LRRTM4: variants seen among roughly 807,000 people sequenced by gnomAD.
LRRTM4 encodes leucine rich repeat transmembrane neuronal 4.
Under a neutral mutation model 47.6 loss-of-function variants are expected in LRRTM4, and 25 were observed. That is an observed-to-expected ratio of 0.53 (90% CI 0.38 to 0.73). LRRTM4 has a LOEUF of 0.73. LRRTM4 is among the 30% of genes least tolerant of loss of function. LRRTM4 has a pLI of 0.00. For missense variants in LRRTM4, 638 were observed against 713.4 expected, an observed-to-expected ratio of 0.89 and a Z score of 1.20; for synonymous variants, 311 against 269.5, an observed-to-expected ratio of 1.15 and a Z score of -1.51.
intron 3 of LRRTM4, among the ~76,000 whole-genome samples, chr2:76,840,044 C>CAGG: frequency 6.6e-6 from 1 of 152,058 alleles, no homozygotes; most frequent in South Asian, 2.1e-4. Context: ...CTGTTCTACT[C>CAGG]CAAGAAAAGC....
At chr2:77,347,178 C>T (rs935887054) in intron 3 of LRRTM4, among the ~76,000 whole-genome samples, 2 of 152,164 alleles carry the variant, frequency 1.3e-5, no homozygotes, top group Non-Finnish European at 2.9e-5. Context: ...AACCTTAAAG[C>T]GATAGTTTTG....
chr2:76,970,415 G>T (rs889438166), intron 3 of LRRTM4, among the ~76,000 whole-genome samples: 1 of 151,758 alleles, frequency 6.6e-6, no homozygotes, highest in East Asian at 2.0e-4. Flanking sequence ...ACCTCCTTTT[G>T]GTTTCTTTCC....
intron 3 of LRRTM4, among the ~76,000 whole-genome samples, chr2:77,367,643 C>T (rs560368587): frequency 1.3e-5 from 2 of 151,718 alleles, no homozygotes; most frequent in Admixed American, 1.3e-4. Context: ...ATTTCTGTTT[C>T]CAGGTATCTA....
chr2:77,474,291 T>A (rs1677297726), intron 3 of LRRTM4, among the ~76,000 whole-genome samples: 1 of 152,036 alleles, frequency 6.6e-6, no homozygotes, highest in African/African-American at 2.4e-5. Context: ...AGACATTCAG[T>A]AGATTTTGAG....
At chr2:77,307,143 G>T (rs865932479) in intron 3 of LRRTM4, among the ~76,000 whole-genome samples, 2 of 151,476 alleles carry the variant, frequency 1.3e-5, no homozygotes, top group African/African-American at 2.4e-5. Flanking sequence ...CTCGTGATCC[G>T]CCCGCCTCGG....
chr2:76,760,477 G>C (rs1673212880), intron 3 of LRRTM4, among the ~76,000 whole-genome samples: 1 of 152,158 alleles, frequency 6.6e-6, no homozygotes, highest in Non-Finnish European at 1.5e-5. Context: ...TGCTTATGAA[G>C]TCAGCAAGAG....
At chr2:77,515,725 T>C (rs1679181628) in intron 3 of LRRTM4, among the ~76,000 whole-genome samples, 1 of 151,902 alleles carries the variant, frequency 6.6e-6, no homozygotes, top group Non-Finnish European at 1.5e-5. Flanking sequence ...ACTTATACTA[T>C]TCCAAAAACA....
At chr2:77,174,125 A>G (rs992964349) in intron 3 of LRRTM4, among the ~76,000 whole-genome samples, 7 of 151,790 alleles carry the variant, frequency 4.6e-5, no homozygotes, top group African/African-American at 1.7e-4. Context: ...CTGCCCACCA[A>G]ATGCACCTCC....
At chr2:77,225,955 AT>A (rs1297047357) in intron 3 of LRRTM4, among the ~76,000 whole-genome samples, 1 of 151,944 alleles carries the variant, frequency 6.6e-6, no homozygotes. Flanking sequence ...TTGATAAGTA[AT>A]TTATTCTTAC....
chr2:76,839,738 T>C lies in LRRTM4; in HGVS notation c.1552-90822A>G, dbSNP rs936023474. ...ATAATAAATAGATTTCCTTATCAAA[T>C]AATAGTTTGTTTATGATTCTAATAC... On this transcript the variant is annotated intron_variant, in intron 3 of 3. Transcript: ENST00000409884. 8.5e-5 allele frequency among the ~76,000 whole-genome samples: 13 copies of C among 152,104 alleles called. No individual in the cohort carries two copies. The South Asian group carries it at 2.1e-3, about 24-fold the overall frequency.
intron 3 of LRRTM4, among the ~76,000 whole-genome samples, chr2:76,859,163 C>T (rs1288775601): frequency 3.3e-5 from 5 of 152,120 alleles, no homozygotes; most frequent in Admixed American, 3.3e-4. Context: ...TGAAAAGTAT[C>T]ATATTTAACT....
intron 3 of LRRTM4, among the ~76,000 whole-genome samples, chr2:76,772,525 T>C (rs574900892): frequency 6.6e-6 from 1 of 152,332 alleles, no homozygotes; most frequent in South Asian, 2.1e-4. Context: ...CATAACCTAG[T>C]TGTAAAACTG....
rs1220590349 is a variant in LRRTM4, at chr2:77,477,919, GAA to G, written c.1551+40397_1551+40398del. On this transcript the variant is annotated intron_variant, in intron 3 of 3. Coordinates refer to ENST00000409884, the MANE Select transcript of LRRTM4 (RefSeq NM_001134745.3). ...AAAGAAAGAAAAAGAAAGAAAGAAAGAAAGAAAGAAAGAAAGAAAGAAAGAAA... is the reference window on the plus strand; with the variant it reads ...AAAGAAAGAAAAAGAAAGAAAGAAAGAGAAAGAAAGAAAGAAAGAAAGAAA... Among the ~76,000 whole-genome samples the G allele has an allele frequency of 3.3e-3, 233 of 70,608 alleles. 1 individual carries two copies. The highest frequency in any genetic ancestry group is 5.5e-3 in the Non-Finnish European group (171 of 30,900). The allele number at this position is 70,608 out of a possible 152,430, so 46.3% of individuals were successfully genotyped here. A position where few individuals can be genotyped will look rare whatever the true frequency, so the allele number is the denominator to read the frequency against.
At chr2:77,134,190 A>G (rs899059154) in intron 3 of LRRTM4, among the ~76,000 whole-genome samples, 1 of 152,144 alleles carries the variant, frequency 6.6e-6, no homozygotes, top group African/African-American at 2.4e-5. Context: ...AAAGATGGAA[A>G]CTAACACATT....
intron 3 of LRRTM4, among the ~76,000 whole-genome samples, chr2:77,324,212 C>A (rs1021920067): frequency 6.6e-6 from 1 of 152,000 alleles, no homozygotes; most frequent in Admixed American, 6.6e-5. Flanking sequence ...TTTTTCTCGA[C>A]AAATATTTAT....
intron 3 of LRRTM4, among the ~76,000 whole-genome samples, chr2:77,488,909 A>C (rs547089082): frequency 2.0e-5 from 3 of 151,884 alleles, no homozygotes; most frequent in African/African-American, 7.2e-5. Flanking sequence ...ATATGTATAC[A>C]TGTGCCATGC....
intron 3 of LRRTM4, among the ~76,000 whole-genome samples, chr2:77,177,574 C>G (rs746585011): frequency 9.2e-5 from 14 of 152,178 alleles, no homozygotes; most frequent in Non-Finnish European, 2.1e-4. Flanking sequence ...AAAGCATTTT[C>G]ATTCTTCAGT....
chr2:77,253,170 C>T lies in LRRTM4; in HGVS notation c.1551+265148G>A, dbSNP rs114963127. Reference sequence around the variant, plus strand: ...CTTAATATAAAACATGGCTATTAGTCCTACCATTTTCAAACATAAAAAATA... The same window carrying T: ...CTTAATATAAAACATGGCTATTAGTTCTACCATTTTCAAACATAAAAAATA... On this transcript the variant is annotated intron_variant, in intron 3 of 3. Coordinates refer to ENST00000409884, the MANE Select transcript of LRRTM4 (RefSeq NM_001134745.3). Among the ~76,000 whole-genome samples, 706 of 152,132 alleles carry T rather than the reference C, an allele frequency of 4.6e-3. 1 individual carries two copies. The highest frequency in any genetic ancestry group is 8.1e-3 in the Non-Finnish European group (552 of 67,986).
intron 3 of LRRTM4, among the ~76,000 whole-genome samples, chr2:76,973,809 C>G (rs1365901440): frequency 6.6e-6 from 1 of 151,870 alleles, no homozygotes; most frequent in Non-Finnish European, 1.5e-5. Context: ...TTACTAGCAT[C>G]TGTCAATCTT....
Sources: gnomAD v4.1 joint callset for allele counts (sites outside exome capture counted in the v4.1 genomes callset) on GRCh38, gnomAD v4.1.1 for gene constraint, MANE v1.5 for transcripts, NCBI Gene and HGNC (gene_info 2026-07-23, HGNC 2026-07-21) for gene names.